Variants in ROBO2 observed in about 807,000 individuals in gnomAD.
The protein encoded by ROBO2 is roundabout guidance receptor 2, also known as roundabout homolog 2.
ROBO2 carries 53 observed loss-of-function variants against 160.8 expected under a neutral mutation model. That is an observed-to-expected ratio of 0.33 (90% CI 0.26 to 0.41). ROBO2 has a LOEUF of 0.41. Among genes scored for constraint, ROBO2 ranks in the 10% least tolerant of loss-of-function variants. The pLI, the probability that ROBO2 is intolerant of heterozygous loss-of-function variation, is 1.00. For missense variants in ROBO2, 1,577 were observed against 1,722.4 expected (o/e 0.92, Z 1.49); for synonymous variants, 664 against 611.7 (o/e 1.09, Z -1.26).
intron 2 of ROBO2, among the ~76,000 whole-genome samples, chr3:77,196,684 A>G (rs1440211240): frequency 6.6e-6 from 1 of 152,068 alleles, no homozygotes; most frequent in African/African-American, 2.4e-5. Context: ...TTCATTTTAG[A>G]TAAATCTTTA....
chr3:77,481,258 C>A (rs770465042), intron 4 of ROBO2, 39 bp downstream of exon 4: 46 of 1,466,814 alleles, frequency 3.1e-5, no homozygotes, highest in Non-Finnish European at 4.0e-5. Flanking sequence ...TTATTTTTAT[C>A]AATTTTTCTT....
intron 2 of ROBO2, among the ~76,000 whole-genome samples, chr3:76,399,763 A>T (rs2077705637): frequency 6.6e-6 from 1 of 151,746 alleles, no homozygotes; most frequent in Non-Finnish European, 1.5e-5. Flanking sequence ...CTAACTCTGT[A>T]AAACTCTTTA....
chr3:76,803,710 G>A (rs1313841313), intron 2 of ROBO2, among the ~76,000 whole-genome samples: 4 of 152,032 alleles, frequency 2.6e-5, no homozygotes, highest in East Asian at 1.9e-4. Flanking sequence ...GACCAGGACC[G>A]TATCTTGTAT....
At chr3:77,580,110 T>C (rs747528302) in exon 16 of ROBO2, 1 of 1,613,532 alleles carries the variant, frequency 6.2e-7, no homozygotes, top group African/African-American at 1.3e-5. Flanking sequence ...CCACAGCCAA[T>C]AATAATCGGT....
intron 2 of ROBO2, among the ~76,000 whole-genome samples, chr3:77,405,121 A>G (rs1056822359): frequency 7.9e-5 from 12 of 152,218 alleles, no homozygotes; most frequent in African/African-American, 2.7e-4. Flanking sequence ...TTAACACATC[A>G]TGAACTTCCT....
chr3:77,241,969 A>C (rs1435100962), intron 2 of ROBO2, among the ~76,000 whole-genome samples: 5 of 152,186 alleles, frequency 3.3e-5, no homozygotes, highest in African/African-American at 1.2e-4. Flanking sequence ...ACAGACATTT[A>C]CTAGGCCCAA....
intron 2 of ROBO2, among the ~76,000 whole-genome samples, chr3:76,345,019 A>G (rs1039972281): frequency 4.1e-4 from 62 of 152,180 alleles, no homozygotes; most frequent in African/African-American, 1.4e-3. Context: ...TCAGATCTGT[A>G]TAACTGTGAA....
intron 17 of ROBO2, among the ~76,000 whole-genome samples, chr3:77,589,977 C>T (rs150295738): frequency 3.3e-5 from 5 of 152,114 alleles, no homozygotes; most frequent in East Asian, 1.9e-4. Flanking sequence ...TTGACAGAGG[C>T]GTCATTGATT....
At chr3:77,295,813 C>T in intron 2 of ROBO2, among the ~76,000 whole-genome samples, 1 of 146,238 alleles carries the variant, frequency 6.8e-6, no homozygotes, top group East Asian at 2.1e-4. Context: ...GGCTAGAGCA[C>T]TAAAGACATA....
chr3:77,281,181 CA>C (rs1226350655), intron 2 of ROBO2, among the ~76,000 whole-genome samples: 1 of 152,184 alleles, frequency 6.6e-6, no homozygotes, highest in Non-Finnish European at 1.5e-5. Context: ...AAGATGCTTG[CA>C]ATTGTTCATT....
chr3:77,638,877 A>G (rs1329815593), intron 24 of ROBO2, among the ~76,000 whole-genome samples: 1 of 115,612 alleles, frequency 8.6e-6, no homozygotes, highest in Non-Finnish European at 1.6e-5. Context: ...CCCAGGCTGG[A>G]GTGCAATGGT....
rs983098479 is a variant in ROBO2, at chr3:76,099,183, A to G, written c.109+161581A>G. On this transcript the variant is annotated intron_variant, in intron 2 of 26. Coordinates refer to the ROBO2 transcript ENST00000487694. ...TGCAATTCCTTGGCAGCCAAGACAG[A>G]TGTGAGTTTAGCCGTTCCTTTTCTC... 1.2e-4 allele frequency among the ~76,000 whole-genome samples: 19 copies of G among 152,252 alleles called. No homozygotes were observed. The East Asian group carries it at 2.5e-3, about 20-fold the overall frequency.
chr3:76,776,302 A>G (rs1433970921), intron 2 of ROBO2, among the ~76,000 whole-genome samples: 3 of 151,010 alleles, frequency 2.0e-5, no homozygotes, highest in Non-Finnish European at 4.5e-5. Context: ...TAAAAATTCA[A>G]TGGCAGTAAA....
intron 2 of ROBO2, among the ~76,000 whole-genome samples, chr3:76,937,880 A>AC (rs1159310278): frequency 7.2e-5 from 11 of 152,094 alleles, no homozygotes; most frequent in Non-Finnish European, 1.3e-4. Context: ...CCCTCTACCT[A>AC]CCCATACGTA....
chr3:77,390,389 A>G (rs919572758), intron 2 of ROBO2, among the ~76,000 whole-genome samples: 2 of 152,164 alleles, frequency 1.3e-5, no homozygotes, highest in African/African-American at 4.8e-5. Flanking sequence ...CCCACGTGTC[A>G]TGGGAGGCAC....
chr3:77,134,657 T>C (rs572675933), intron 2 of ROBO2, among the ~76,000 whole-genome samples: 1 of 152,324 alleles, frequency 6.6e-6, no homozygotes, highest in Non-Finnish European at 1.5e-5. Flanking sequence ...CTGAAACCCT[T>C]TCAGCACCTA....
At chr3:76,160,299 C>T (rs1465456146) in intron 2 of ROBO2, among the ~76,000 whole-genome samples, 1 of 152,148 alleles carries the variant, frequency 6.6e-6, no homozygotes, top group African/African-American at 2.4e-5. Context: ...CCATTGAAAG[C>T]TCTGCTCCTA....
intron 4 of ROBO2, among the ~76,000 whole-genome samples, chr3:77,490,847 TC>T (rs1222818160): frequency 1.3e-5 from 2 of 152,218 alleles, no homozygotes; most frequent in Non-Finnish European, 2.9e-5. Flanking sequence ...TGTCCCCTTT[TC>T]GACATCCTAT....
At chr3:76,358,680 T>C (rs2108361061) in intron 2 of ROBO2, among the ~76,000 whole-genome samples, 1 of 152,148 alleles carries the variant, frequency 6.6e-6, no homozygotes, top group Non-Finnish European at 1.5e-5. Context: ...TTGCTCAATA[T>C]ATATGTTTCT....
Sources: allele counts gnomAD v4.1 joint callset (sites outside exome capture counted in the v4.1 genomes callset), GRCh38; gene constraint gnomAD v4.1.1; transcripts MANE v1.5; gene names NCBI Gene and HGNC (gene_info 2026-07-23, HGNC 2026-07-21).